Variants in CIC observed in about 807,000 individuals in gnomAD.
CIC encodes capicua transcriptional repressor, also known as protein capicua homolog.
CIC carries 18 observed loss-of-function variants against 115.7 expected under a neutral mutation model. The observed-to-expected ratio is 0.16, with a 90% CI of 0.11 to 0.23. CIC has a LOEUF of 0.23. Among genes scored for constraint, CIC ranks in the 10% least tolerant of loss-of-function variants. The pLI is 1.00. For missense variants in CIC, 2,000 were observed against 2,159.3 expected (o/e 0.93, Z 1.46); for synonymous variants, 1,076 against 923.0 (o/e 1.17, Z -3.01).
upstream of CIC, among the ~76,000 whole-genome samples, chr19:42,268,898 A>T (rs2036660202): frequency 6.6e-6 from 1 of 152,164 alleles, no homozygotes; most frequent in South Asian, 2.1e-4. Context: ...TCCCTCACAG[A>T]GGCTGGGTTC....
intron 16 of CIC, 37 bp downstream of exon 16, chr19:42,293,318 TTGGC>T: frequency 6.5e-7 from 1 of 1,528,530 alleles, no homozygotes; most frequent in African/African-American, 1.4e-5. Context: ...CCACTGCCAC[TTGGC>T]TGTGCCTCTC....
intron 13 of CIC, 41 bp downstream of exon 13, chr19:42,292,248 G>A: frequency 6.2e-7 from 1 of 1,613,826 alleles, no homozygotes; most frequent in Non-Finnish European, 8.5e-7. Context: ...CAGGGAAGGG[G>A]TGGGGCGGGG....
rs956379777 is a variant in CIC at position 42,274,210 on chromosome 19, A to C, written c.2427A>C (p.Ser809=). ...VRRVPAVQRD[S]PVIVRNPDVP... ...GGGTGCCTGCTGTGCAGCGGGACTC[A>C]CCTGTTATTGTCCGCAACCCTGATG... The change falls in exon 2 of 21, where the codon TCA becomes TCC. Residue 809 remains serine (S), a synonymous_variant. Transcript: ENST00000681038. 2.5e-6 allele frequency: 1 copy of C among 398,614 alleles called. No individual in the cohort carries two copies. The highest frequency in any genetic ancestry group is 2.1e-5 in the African/African-American group (1 of 48,596). 24.7% of individuals were successfully genotyped at this position (398,614 alleles called of 1,614,324 possible).
intron 16 of CIC, 40 bp from the exon 17 acceptor site, chr19:42,293,552 A>T: frequency 6.2e-7 from 1 of 1,613,282 alleles, no homozygotes; most frequent in South Asian, 1.1e-5. Context: ...CCAGAGTCTG[A>T]GCTCAGTGTT....
At position 42,290,676 on chromosome 19, in the gene CIC, C is replaced by T; in HGVS notation, c.4635C>T (p.Asn1545=). The T allele has an allele frequency of 2.5e-6, 4 of 1,613,214 alleles. No homozygotes were observed. The highest frequency in any genetic ancestry group is 3.4e-6 in the Non-Finnish European group (4 of 1,179,936). The part of the protein sequence containing the change: ...NILQTLVLPP[N]KEEQEGGGAR... ...TGCAGACACTGGTGCTGCCCCCAAA[C>T]AAGGAGGAGCAAGAGGGCGGCGGAG... The change falls in exon 11 of 21, where the codon AAC becomes AAT. Residue 1545 remains asparagine, a synonymous_variant. Coordinates refer to ENST00000681038, the MANE Select transcript of CIC (RefSeq NM_001386298.1).
chr19:42,293,641 G>T lies in CIC; in HGVS notation c.6572G>T (p.Gly2191Val), dbSNP rs2038313068. 6.2e-7 allele frequency: 1 copy of T among 1,613,226 alleles called. No individual in the cohort carries two copies. Among genetic ancestry groups the T allele is most frequent in the African/African-American group, 1.3e-5 (1 of 74,938 alleles). ...SSSDWRVPGQGLENRGEPPTP... is the reference protein window; with the variant it reads ...SSSDWRVPGQVLENRGEPPTP... Reference sequence around the variant, plus strand: ...TCAGACTGGCGCGTCCCTGGGCAGGGCCTGGAGAATCGTGGGGAGCCTCCC... The same window carrying T: ...TCAGACTGGCGCGTCCCTGGGCAGGTCCTGGAGAATCGTGGGGAGCCTCCC... The change falls in exon 17 of 21, where the codon GGC (glycine) becomes GTC (valine). Residue 2191 changes from glycine to valine, a missense_variant. This residue lies in a region of CIC where 1,466 missense variants were observed against 1,390.4 expected (regional missense o/e 1.05). Coordinates refer to ENST00000681038, the MANE Select transcript of CIC (RefSeq NM_001386298.1).
rs73932882 is a variant in CIC at position 42,290,024 on chromosome 19, C to G, written c.4191+73C>G. The G allele has an allele frequency of 1.0e-3, 1,494 of 1,456,076 alleles. 16 individuals carry two copies. The African/African-American group carries it at 0.018, about 18-fold the overall frequency. 90.2% of individuals were successfully genotyped at this position (1,456,076 alleles called of 1,614,324 possible). On this transcript the variant is annotated intron_variant, in intron 10 of 20. Coordinates refer to ENST00000681038, the MANE Select transcript of CIC (RefSeq NM_001386298.1). ...CATGGGAATGTCTGTTTCTCCCGGG[C>G]TTGAGAGAGGGGGAGATTAAGGTCC...
Position 42,290,268 on chromosome 19 carries a change from T to TTCC in CIC, c.4232_4234dup (p.Ser1411dup). 1 of 1,614,038 alleles carries TTCC rather than the reference T, an allele frequency of 6.2e-7. No individual in the cohort carries two copies. ...GGAAGGTGTTTTCACCTGTGATCCG[T>TTCC]TCCTCCTTTACCCACTGCCGCCCCC... On this transcript the variant is annotated inframe_insertion, in exon 11 of 21. Coordinates refer to ENST00000681038, the MANE Select transcript of CIC (RefSeq NM_001386298.1).
chr19:42,271,173 T>C (rs1172029222), intron 1 of CIC, among the ~76,000 whole-genome samples: 1 of 152,224 alleles, frequency 6.6e-6, no homozygotes, highest in African/African-American at 2.4e-5. Context: ...TGAGTGCATG[T>C]ACTCTCTGCA....
At position 42,290,384 on chromosome 19, in the gene CIC, C is replaced by T. The variant is rs370962853; in HGVS notation, c.4343C>T (p.Pro1448Leu). Residue 1448 changes from proline (P) to leucine (L), a missense_variant, in exon 11 of 21, where the codon CCT (proline) becomes CTT (leucine). Around this residue, in one of 8 missense-constraint regions of CIC, gnomAD observed 1,466 missense variants for 1,390.4 expected, o/e 1.05. Coordinates refer to ENST00000681038, the MANE Select transcript of CIC (RefSeq NM_001386298.1). ...GCCCCATCCTCCTCTGCGTCCTCGCCTGCTTCCTCCTCAGCCTCGGCAGCC... is the reference window on the plus strand; with the variant it reads ...GCCCCATCCTCCTCTGCGTCCTCGCTTGCTTCCTCCTCAGCCTCGGCAGCC... ...GSAPSSSASS[P>L]ASSSASAATS... is the part of the protein sequence containing the mutation. The T allele has an allele frequency of 3.7e-6, 6 of 1,614,172 alleles. No homozygotes were observed. The highest frequency in any genetic ancestry group is 1.1e-5 in the South Asian group (1 of 91,092).
In CIC at chr19:42,272,724, T is replaced by C; in HGVS notation, c.941T>C (p.Leu314Pro). 2.5e-6 allele frequency: 1 copy of C among 398,768 alleles called. No homozygotes were observed. Among genetic ancestry groups the C allele is most frequent in the Non-Finnish European group, 4.4e-6 (1 of 226,308 alleles). 24.7% of individuals were successfully genotyped at this position (398,768 alleles called of 1,614,324 possible). Residue 314 changes from leucine (L) to proline (P), a missense_variant, in exon 2 of 21, where the codon CTC becomes CCC. This residue lies in a region of CIC where 222 missense variants were observed against 247.7 expected (regional missense o/e 0.90). Transcript: ENST00000681038. ...PSSQPGLPGS[L>P]PQPPQPLHRE... ...TCCCAGCCAGGCCTACCAGGCAGCC[T>C]CCCGCAGCCCCCACAGCCACTGCAC...
chr19:42,286,964 C>CT, intron 3 of CIC, 42 bp from the exon 4 acceptor site: 4 of 1,608,110 alleles, frequency 2.5e-6, no homozygotes, highest in Non-Finnish European at 2.5e-6. Context: ...GTGTGGGGTC[C>CT]AGGTGGCCTA....
chr19:42,268,671 C>G (rs1258429038), upstream of CIC: 1 of 152,322 alleles, frequency 6.6e-6, no homozygotes, highest in African/African-American at 2.4e-5. Flanking sequence ...TCGACTTTTT[C>G]TCCTCGCCGG....
At position 42,286,990 on chromosome 19, in the gene CIC, A is replaced by G. The variant is rs2147174406; in HGVS notation, c.2945-16A>G. ...AGGTGGCCTAGGAGCCCTCTGATCT[A>G]CCTCTGTGTCCCCAGAACCTGCTGA... On this transcript the variant is annotated splice_polypyrimidine_tract_variant and intron_variant, in intron 3 of 20. Transcript: ENST00000681038. The G allele has an allele frequency of 6.2e-7, 1 of 1,608,328 alleles. No homozygotes were observed. Among genetic ancestry groups the G allele is most frequent in the South Asian group, 1.1e-5 (1 of 91,024 alleles).
rs2036887059 is a variant in CIC, at chr19:42,274,268, G to GGCACTGCTGGTGAGGTGC, written c.2487_2504dup (p.Thr830_Arg835dup). On this transcript the variant is annotated inframe_insertion, in exon 2 of 21. Coordinates refer to ENST00000681038, the MANE Select transcript of CIC (RefSeq NM_001386298.1). ...GCCCTCCAAATTCCCTGGGGAGGTG[G>GGCACTGCTGGTGAGGTGC]GCACTGCTGGTGAGGTGCGGGCTGG... 1.3e-5 allele frequency: 5 copies of GGCACTGCTGGTGAGGTGC among 398,836 alleles called. No individual in the cohort carries two copies. The East Asian group carries it at 1.8e-4, about 14-fold the overall frequency. The allele number at this position is 398,836 out of a possible 1,614,324, so 24.7% of individuals were successfully genotyped here. A position where few individuals can be genotyped will look rare whatever the true frequency, so the allele number is the denominator to read the frequency against.
intron 1 of CIC, among the ~76,000 whole-genome samples, chr19:42,271,396 G>T (rs1405873303): frequency 1.3e-5 from 2 of 152,212 alleles, no homozygotes; most frequent in African/African-American, 4.8e-5. Flanking sequence ...TGCTTTTAGG[G>T]CTGTTGTGAG....
At chr19:42,284,614 A>T in intron 2 of CIC, 3 of 866,000 alleles carry the variant, frequency 3.5e-6, no homozygotes, top group Non-Finnish European at 5.0e-6. Context: ...CCCGGGCCCA[A>T]GCGGCGACGG....
intron 2 of CIC, among the ~76,000 whole-genome samples, chr19:42,281,390 G>T (rs1196330740): frequency 1.3e-5 from 2 of 152,212 alleles, no homozygotes; most frequent in African/African-American, 4.8e-5. Flanking sequence ...CCGCCCGCCC[G>T]GGTGGCTGTT....
At position 42,290,854 on chromosome 19, in the gene CIC, C is replaced by T. The variant is rs550975604; in HGVS notation, c.4813C>T (p.Arg1605Trp). ...IASKPFPTSG[R>W]AEASPNDTAG... ...CTCTAAGCCCTTCCCCACCTCTGGC[C>T]GGGCTGAGGCGTCTCCAAATGACAC... is the stretch of plus-strand genomic sequence containing the variant. Residue 1605 changes from arginine (R) to tryptophan (W), a missense_variant, in exon 11 of 21, where the codon CGG becomes TGG. Arg to Trp is a moderately radical substitution (Grantham distance 101, BLOSUM62 -3). Transcript: ENST00000681038. 2.0e-5 allele frequency: 33 copies of T among 1,611,188 alleles called. No individual in the cohort carries two copies. The highest frequency in any genetic ancestry group is 2.3e-5 in the Non-Finnish European group (27 of 1,178,990).
Sources: gnomAD v4.1 joint callset for allele counts (sites outside exome capture counted in the v4.1 genomes callset) on GRCh38, gnomAD v4.1.1 for gene constraint, gnomAD v4.1.1 regional missense constraint, MANE v1.5 for transcripts, NCBI Gene and HGNC (gene_info 2026-07-23, HGNC 2026-07-21) for gene names.